Variants in ELMO2 observed in about 807,000 individuals in gnomAD.
The protein encoded by ELMO2 is engulfment and cell motility 2.
ELMO2 carries 37 observed loss-of-function variants against 96.2 expected under a neutral mutation model. That is an observed-to-expected ratio of 0.38 (90% CI 0.30 to 0.51). The LOEUF (loss-of-function observed/expected upper bound fraction) is 0.51. Among genes scored for constraint, ELMO2 ranks in the 20% least tolerant of loss-of-function variants. The pLI is 0.88. For missense variants in ELMO2, 561 were observed against 912.6 expected, an observed-to-expected ratio of 0.61 and a Z score of 4.96; for synonymous variants, 315 against 329.4, an observed-to-expected ratio of 0.96 and a Z score of 0.47.
chr20:46,371,946 T>C lies in ELMO2; in HGVS notation c.1440A>G (p.Gln480=), dbSNP rs1391011897. ...GTTTGGAGGGCAAAGCTCGAGTGAT[T>C]TGCTCTCGGACGACTTGCATAACCT... ...FNKVMQVVRE[Q]ITRALPSKPN... is the part of the protein sequence containing the mutation. The change falls in exon 17 of 22, where the codon CAA becomes CAG. Residue 480 remains glutamine, a synonymous_variant. Coordinates refer to ENST00000290246, the MANE Select transcript of ELMO2 (RefSeq NM_133171.5). This position sits in a 1 kb window ranked among gnomAD's most constrained non-coding sequence, Gnocchi z 5.9. 8 of 1,613,904 alleles carry C rather than the reference T, an allele frequency of 5.0e-6. No homozygotes were observed. Among genetic ancestry groups the C allele is most frequent in the Admixed American group, 1.7e-5 (1 of 60,008 alleles).
chr20:46,387,077 C>G (rs1297137267), intron 8 of ELMO2, among the ~76,000 whole-genome samples: 1 of 152,170 alleles, frequency 6.6e-6, no homozygotes, highest in Non-Finnish European at 1.5e-5. Context: ...GGCTTTATCC[C>G]CAGTCTCACT....
At chr20:46,372,880 T>G (rs2059754863) in intron 16 of ELMO2, 1 of 152,350 alleles carries the variant, frequency 6.6e-6, no homozygotes, top group Non-Finnish European at 1.5e-5. Flanking sequence ...TTTCCAAATT[T>G]TTTATGATGA....
In ELMO2 at chr20:46,373,665, G is replaced by A. The variant is rs562718911; in HGVS notation, c.1280-130C>T. The A allele has an allele frequency of 1.3e-4, 152 of 1,161,800 alleles. 1 individual carries two copies. In the South Asian group the frequency reaches 1.9e-3, roughly 14 times the overall value. 72.0% of individuals were successfully genotyped at this position (1,161,800 alleles called of 1,614,324 possible). ...CTAAGGCGCGCAATTAACAGGGAGC[G>A]TGGGATGGGCGTTTCTCACGTCCTT... On this transcript the variant is annotated intron_variant, in intron 15 of 21. Transcript: ENST00000290246.
intron 1 of ELMO2, among the ~76,000 whole-genome samples, chr20:46,399,447 T>C (rs955783334): frequency 3.3e-5 from 5 of 152,218 alleles, no homozygotes; most frequent in African/African-American, 9.6e-5. Context: ...AGAGCTCCTA[T>C]TCAAGCATCA....
At chr20:46,394,554 G>T in intron 2 of ELMO2, 22 bp from the exon 3 acceptor site, 1 of 1,518,694 alleles carries the variant, frequency 6.6e-7, no homozygotes, top group Non-Finnish European at 9.1e-7. Flanking sequence ...GAATCAGAAA[G>T]GTGGAAAAAG....
intron 6 of ELMO2, among the ~76,000 whole-genome samples, chr20:46,389,438 G>T (rs531970121): frequency 6.6e-6 from 1 of 152,168 alleles, no homozygotes; most frequent in Non-Finnish European, 1.5e-5. Flanking sequence ...TTTCTGTACC[G>T]CTTTGGCCTA....
chr20:46,384,597 G>C (rs115853824), intron 9 of ELMO2, among the ~76,000 whole-genome samples: 2 of 151,912 alleles, frequency 1.3e-5, no homozygotes, highest in East Asian at 3.9e-4. Flanking sequence ...AGGAAAATCA[G>C]AATTCTCTAT....
chr20:46,397,646 G>A (rs560885594), intron 2 of ELMO2, among the ~76,000 whole-genome samples: 22 of 152,266 alleles, frequency 1.4e-4, no homozygotes, highest in African/African-American at 5.1e-4. Flanking sequence ...GCTCCAGCCT[G>A]GGCGACGGAA....
Position 46,375,407 on chromosome 20 carries a change from CT to C in ELMO2, c.931-38del, listed in dbSNP as rs1277132733. ...AACAGACAGTCAGCAGGTGAATCGG[CT>C]AACCAAGGGAGCAAGGAAAAGAAAC... On this transcript the variant is annotated intron_variant, in intron 12 of 21. Coordinates refer to ENST00000290246, the MANE Select transcript of ELMO2 (RefSeq NM_133171.5). The surrounding 1 kb of genome is among the most constrained non-coding windows in gnomAD (Gnocchi z 4.6). The C allele has an allele frequency of 1.2e-6, 2 of 1,609,556 alleles. No homozygotes were observed. Among genetic ancestry groups the C allele is most frequent in the Non-Finnish European group, 1.7e-6 (2 of 1,176,750 alleles).
intron 20 of ELMO2, 28 bp downstream of exon 20, chr20:46,370,415 A>C (rs749870448): frequency 4.7e-5 from 75 of 1,605,886 alleles, no homozygotes; most frequent in Non-Finnish European, 5.5e-5. Flanking sequence ...TCACTGGGCC[A>C]GCTACTCAAA....
At chr20:46,384,232 A>C (rs2060003624) in intron 9 of ELMO2, among the ~76,000 whole-genome samples, 1 of 152,194 alleles carries the variant, frequency 6.6e-6, no homozygotes. Flanking sequence ...AAAGTCTTTG[A>C]CTATAAACTT....
At chr20:46,394,005 A>C in intron 4 of ELMO2, 44 bp downstream of exon 4, 1 of 1,613,298 alleles carries the variant, frequency 6.2e-7, no homozygotes, top group South Asian at 1.1e-5. Context: ...GTGCTCTTTC[A>C]GTCGGAGCTG....
At chr20:46,392,430 T>G (rs145580104) in intron 6 of ELMO2, among the ~76,000 whole-genome samples, 74 of 152,366 alleles carry the variant, frequency 4.9e-4, no homozygotes, top group African/African-American at 1.8e-3. Context: ...ATTAGCCTCT[T>G]CAAAGGTTCC....
At chr20:46,373,927 CTTTTTTTTTTT>C (rs3091499) in intron 15 of ELMO2, among the ~76,000 whole-genome samples, 1 of 126,518 alleles carries the variant, frequency 7.9e-6, no homozygotes, top group Non-Finnish European at 1.6e-5. Context: ...CCACTGACAT[CTTTTTTTTTTT>C]TTTTTTTTTA....
Position 46,367,511 on chromosome 20 carries a change from G to T in ELMO2, c.2012C>A (p.Ser671Tyr). The T allele has an allele frequency of 2.5e-6, 4 of 1,613,542 alleles. No homozygotes were observed. Among genetic ancestry groups the T allele is most frequent in the Non-Finnish European group, 3.4e-6 (4 of 1,179,794 alleles). Residue 671 changes from serine (S) to tyrosine (Y), a missense_variant, in exon 22 of 22, where the codon TCC becomes TAC. By Grantham distance (144) the Ser-to-Tyr change is moderately radical. Transcript: ENST00000290246. ...GLSALLGKDMSSELTKSDLDT... is the reference protein window; with the variant it reads ...GLSALLGKDMYSELTKSDLDT... Reference sequence around the variant, plus strand: ...CAGGTCACTCTTGGTCAGCTCACTGGACATGTCCTTCCCCAGAAGGGCACT... The same window carrying T: ...CAGGTCACTCTTGGTCAGCTCACTGTACATGTCCTTCCCCAGAAGGGCACT...
intron 10 of ELMO2, among the ~76,000 whole-genome samples, 173 bp from the exon 11 acceptor site, chr20:46,380,476 T>G (rs564751643): frequency 6.6e-6 from 1 of 152,262 alleles, no homozygotes; most frequent in Non-Finnish European, 1.5e-5. Context: ...AGATGTATTT[T>G]ACACTCTGCA....
rs748077120 is a variant in ELMO2 at position 46,389,019 on chromosome 20, G to A, written c.425+20C>T. The stretch of plus-strand genomic sequence containing the variant: ...AGTAAATCGTCGAAGTCCTTGGAAC[G>A]AGACCTTAGTCATACTCACTGGGAC... On this transcript the variant is annotated intron_variant, in intron 7 of 21. Transcript: ENST00000290246. The A allele has an allele frequency of 7.5e-6, 12 of 1,605,534 alleles. No homozygotes were observed. Among genetic ancestry groups the A allele is most frequent in the South Asian group, 4.4e-5 (4 of 90,534 alleles).
chr20:46,388,874 T>C (rs1286278838), intron 7 of ELMO2, among the ~76,000 whole-genome samples, 165 bp downstream of exon 7: 15 of 152,204 alleles, frequency 9.9e-5, no homozygotes, highest in African/African-American at 3.4e-4. Context: ...AATCACAATA[T>C]GGAATTATAT....
intron 5 of ELMO2, 76 bp from the exon 6 acceptor site, chr20:46,393,219 T>C (rs2060183423): frequency 7.0e-7 from 1 of 1,437,752 alleles, no homozygotes; most frequent in South Asian, 1.2e-5. Context: ...GAATCAACAA[T>C]AATGTTTTGT....
Sources: allele counts gnomAD v4.1 joint callset (sites outside exome capture counted in the v4.1 genomes callset), GRCh38; gene constraint gnomAD v4.1.1; non-coding constraint Gnocchi (gnomAD v3.1); transcripts MANE v1.5; gene names NCBI Gene and HGNC (gene_info 2026-07-23, HGNC 2026-07-21).